BRD10: variants seen among roughly 807,000 people sequenced by gnomAD.
The protein encoded by BRD10 is uncharacterized bromodomain-containing protein 10.
At chr9:5,951,414 G>A in the BRD10 span, among the ~76,000 whole-genome samples, 1 of 151,498 alleles carries the variant, frequency 6.6e-6, no homozygotes, top group South Asian at 2.1e-4. Flanking sequence ...CTGGTCCTTT[G>A]GCAAACTGGT....
At chr9:5,954,720 A>G in the BRD10 span, among the ~76,000 whole-genome samples, 1 of 152,222 alleles carries the variant, frequency 6.6e-6, no homozygotes, top group Non-Finnish European at 1.5e-5. Context: ...TCATACTTAG[A>G]GCCAATTCAC....
At chr9:5,923,143 C>T in the BRD10 span, 2 of 1,613,900 alleles carry the variant, frequency 1.2e-6, no homozygotes, top group Admixed American at 1.7e-5. Context: ...ACTTTGCCTT[C>T]TTCCTTGGAG....
the BRD10 span, among the ~76,000 whole-genome samples, chr9:5,903,017 TATC>T: frequency 6.6e-6 from 1 of 152,230 alleles, no homozygotes; most frequent in Admixed American, 6.5e-5. Context: ...CAAATTCTGA[TATC>T]ATATTTTAAT....
At chr9:5,907,087 C>T in the BRD10 span, 26 of 889,548 alleles carry the variant, frequency 2.9e-5, no homozygotes, top group South Asian at 1.0e-4. Context: ...AAAGCAAGGA[C>T]AATGTGAATG....
chr9:5,974,098 T>C, the BRD10 span, among the ~76,000 whole-genome samples: 4 of 151,446 alleles, frequency 2.6e-5, no homozygotes, highest in African/African-American at 9.7e-5. Context: ...AAAACAATAA[T>C]AAAACATCAA....
At chr9:6,007,271 C>T in the BRD10 span, 10 of 1,613,834 alleles carry the variant, frequency 6.2e-6, no homozygotes, top group African/African-American at 1.3e-4. Context: ...TGGTCCACTC[C>T]GTGCAGGCGG....
the BRD10 span, chr9:5,969,110 C>G: frequency 6.2e-7 from 1 of 1,613,786 alleles, no homozygotes; most frequent in Non-Finnish European, 8.5e-7. Flanking sequence ...TACTTTCTGC[C>G]TCAGCGCTGC....
the BRD10 span, among the ~76,000 whole-genome samples, chr9:5,951,774 A>AGCACTAT: frequency 6.6e-6 from 1 of 151,542 alleles, no homozygotes; most frequent in Non-Finnish European, 1.5e-5. Context: ...ACTAGTGACT[A>AGCACTAT]GCACTATCTC....
At chr9:5,964,367 C>A in the BRD10 span, among the ~76,000 whole-genome samples, 3 of 152,052 alleles carry the variant, frequency 2.0e-5, no homozygotes, top group Non-Finnish European at 4.4e-5. Context: ...TACCATCTCA[C>A]ACCATTTAGA....
chr9:5,932,757 A>T, the BRD10 span, among the ~76,000 whole-genome samples: 1 of 152,168 alleles, frequency 6.6e-6, no homozygotes, highest in Non-Finnish European at 1.5e-5. Flanking sequence ...ACTAACGTCT[A>T]ATCTCCTTCC....
chr9:5,953,870 C>A, the BRD10 span: 3 of 619,958 alleles, frequency 4.8e-6, no homozygotes, highest in South Asian at 2.0e-5. Flanking sequence ...TACATCTGCA[C>A]TTGCAGGGAG....
the BRD10 span, among the ~76,000 whole-genome samples, chr9:5,944,127 T>A: frequency 5.3e-5 from 8 of 151,808 alleles, no homozygotes; most frequent in African/African-American, 1.7e-4. Flanking sequence ...ACGAAAGGTT[T>A]AAAAAAAACG....
At chr9:5,996,640 A>G in the BRD10 span, among the ~76,000 whole-genome samples, 6 of 152,262 alleles carry the variant, frequency 3.9e-5, no homozygotes, top group African/African-American at 1.4e-4. Flanking sequence ...CCATGTAACT[A>G]ATTTTTAAAA....
At chr9:5,885,800 G>A in the BRD10 span, among the ~76,000 whole-genome samples, 1 of 152,234 alleles carries the variant, frequency 6.6e-6, no homozygotes, top group African/African-American at 2.4e-5. Flanking sequence ...AATAATGAGA[G>A]CTGGGATTCA....
chr9:5,950,667 A>T, the BRD10 span, among the ~76,000 whole-genome samples: 6 of 152,150 alleles, frequency 3.9e-5, no homozygotes, highest in Non-Finnish European at 5.9e-5. Context: ...CTTAGGAAAA[A>T]GTGGCACACA....
chr9:5,939,020 T>G, the BRD10 span, among the ~76,000 whole-genome samples: 1 of 152,146 alleles, frequency 6.6e-6, no homozygotes, highest in Admixed American at 6.5e-5. Flanking sequence ...TTAAAAATAT[T>G]GACTTGATAC....
chr9:5,906,393 C>T, the BRD10 span, among the ~76,000 whole-genome samples: 1 of 151,742 alleles, frequency 6.6e-6, no homozygotes, highest in Admixed American at 6.6e-5. Context: ...TCACTTATTC[C>T]TTCTTGGATG....
At chr9:6,008,434 G>A in the BRD10 span, among the ~76,000 whole-genome samples, 1 of 151,998 alleles carries the variant, frequency 6.6e-6, no homozygotes, top group African/African-American at 2.4e-5. Context: ...AAGAGCTGTG[G>A]AGAGAAGCAA....
chr9:5,902,003 A>C, the BRD10 span, among the ~76,000 whole-genome samples: 1 of 118,364 alleles, frequency 8.4e-6, no homozygotes, highest in Non-Finnish European at 2.0e-5. Context: ...GTCTGGTATT[A>C]GGGTAATGCT....
Sources: gnomAD v4.1 joint callset for allele counts (sites outside exome capture counted in the v4.1 genomes callset) on GRCh38, gnomAD v4.1.1 for gene constraint, MANE v1.5 for transcripts, NCBI Gene and HGNC (gene_info 2026-07-23, HGNC 2026-07-21) for gene names.